Variants in ZPBP observed in about 807,000 individuals in gnomAD.
ZPBP encodes the protein zona pellucida-binding protein 1.
Under a neutral mutation model 44.8 loss-of-function variants are expected in ZPBP, and 26 were observed. The ratio of observed to expected loss-of-function variants is 0.58; its 90% CI spans 0.43 to 0.81. The LOEUF is 0.81. ZPBP is among the 30% of genes least tolerant of loss of function. The pLI is 0.00. For missense variants in ZPBP, 409 were observed against 434.0 expected, an observed-to-expected ratio of 0.94 and a Z score of 0.51; for synonymous variants, 174 against 153.2, an observed-to-expected ratio of 1.14 and a Z score of -1.00.
intron 4 of ZPBP, among the ~76,000 whole-genome samples, chr7:50,053,347 T>G (rs922152271): frequency 6.6e-6 from 1 of 152,212 alleles, no homozygotes; most frequent in Non-Finnish European, 1.5e-5. Flanking sequence ...CCTTAAATTA[T>G]TGAAAACTTA....
chr7:49,948,689 C>T (rs140631419), intron 7 of ZPBP, among the ~76,000 whole-genome samples: 48 of 151,952 alleles, frequency 3.2e-4, no homozygotes, highest in Middle Eastern at 3.4e-3. Flanking sequence ...CACAATGAGA[C>T]GACAAGTATC....
At chr7:50,026,621 A>G (rs572056582) in intron 5 of ZPBP, among the ~76,000 whole-genome samples, 1 of 152,114 alleles carries the variant, frequency 6.6e-6, no homozygotes, top group Non-Finnish European at 1.5e-5. Context: ...ATCAACTAAG[A>G]TGGACCCCAA....
In ZPBP at chr7:50,038,969, C is replaced by T. The variant is rs536252668; in HGVS notation, c.488-7659G>A. Among the ~76,000 whole-genome samples the T allele has an allele frequency of 3.3e-5, 5 of 152,276 alleles. No homozygotes were observed. The East Asian group carries it at 9.6e-4, about 29-fold the overall frequency. ...AATAAAATTGTCTAATGACACATTT[C>T]TCAGAATATATCCCCATCATTAAGA... On this transcript the variant is annotated intron_variant, in intron 4 of 7. Transcript: ENST00000046087.
intron 6 of ZPBP, among the ~76,000 whole-genome samples, chr7:49,994,911 CAAA>C (rs759113974): frequency 2.3e-3 from 351 of 152,250 alleles, no homozygotes; most frequent in Non-Finnish European, 2.5e-3. Flanking sequence ...GTAACACACC[CAAA>C]TGAGGAATAT....
chr7:49,939,219 C>T (rs922472150), intron 7 of ZPBP, among the ~76,000 whole-genome samples: 1 of 152,118 alleles, frequency 6.6e-6, no homozygotes, highest in Admixed American at 6.6e-5. Context: ...AGTGTTAAAT[C>T]ATTACACATG....
chr7:50,046,888 A>C (rs1017040683), intron 4 of ZPBP, among the ~76,000 whole-genome samples: 5 of 152,202 alleles, frequency 3.3e-5, no homozygotes, highest in East Asian at 1.9e-4. Context: ...AAGACTTAGA[A>C]CCAACCCAAA....
intron 2 of ZPBP, among the ~76,000 whole-genome samples, chr7:49,856,771 A>G (rs564847825): frequency 4.2e-4 from 64 of 152,180 alleles, no homozygotes; most frequent in African/African-American, 1.5e-3. Context: ...CATGATTGGG[A>G]GGCCGAGGTG....
At chr7:49,910,873 C>A (rs1465752068) in intron 1 of ZPBP, among the ~76,000 whole-genome samples, 2 of 152,168 alleles carry the variant, frequency 1.3e-5, no homozygotes, top group Non-Finnish European at 2.9e-5. Flanking sequence ...AAAGCAAATT[C>A]TCAGGCCCCA....
intron 6 of ZPBP, among the ~76,000 whole-genome samples, chr7:49,998,152 G>A (rs534653626): frequency 6.6e-6 from 1 of 152,256 alleles, no homozygotes; most frequent in Admixed American, 6.5e-5. Context: ...TCCTGACTTC[G>A]TGATCCACCC....
downstream of ZPBP, among the ~76,000 whole-genome samples, chr7:49,845,919 A>G: frequency 6.6e-6 from 1 of 152,172 alleles, no homozygotes; most frequent in East Asian, 1.9e-4. Context: ...TCATCACTGG[A>G]GAGTTTTCAC....
chr7:49,872,195 C>T (rs1791187652), intron 2 of ZPBP, among the ~76,000 whole-genome samples: 2 of 151,980 alleles, frequency 1.3e-5, no homozygotes, highest in South Asian at 4.2e-4. Context: ...TGATTGGTCA[C>T]ATTTAAGGAG....
chr7:49,891,006 C>CA (rs1223363927), intron 2 of ZPBP, among the ~76,000 whole-genome samples: 1 of 152,010 alleles, frequency 6.6e-6, no homozygotes, highest in East Asian at 1.9e-4. Context: ...CTACTAAGGC[C>CA]ATAGATTTAA....
chr7:50,091,420 T>C (rs1258480561), intron 1 of ZPBP, among the ~76,000 whole-genome samples: 1 of 152,102 alleles, frequency 6.6e-6, no homozygotes, highest in Non-Finnish European at 1.5e-5. Context: ...GGTGCTGGGA[T>C]AATTGGAAAG....
At chr7:49,966,667 T>C (rs539545558) in intron 7 of ZPBP, among the ~76,000 whole-genome samples, 23 of 152,326 alleles carry the variant, frequency 1.5e-4, no homozygotes, top group African/African-American at 5.1e-4. Context: ...ACATGTTGAA[T>C]GTTGTGAGGT....
At chr7:49,935,429 C>T (rs1794587175), downstream of ZPBP, among the ~76,000 whole-genome samples, 1 of 151,984 alleles carries the variant, frequency 6.6e-6, no homozygotes, top group African/African-American at 2.4e-5. Flanking sequence ...GACGGAGTTT[C>T]ACTCTTGTTG....
At chr7:50,043,778 G>T (rs1419610767) in intron 4 of ZPBP, among the ~76,000 whole-genome samples, 1 of 152,094 alleles carries the variant, frequency 6.6e-6, no homozygotes, top group Non-Finnish European at 1.5e-5. Flanking sequence ...AATTAGCAAG[G>T]ATATTCAGGA....
intron 1 of ZPBP, chr7:49,916,600 T>C (rs534674016): frequency 1.5e-4 from 23 of 152,364 alleles, no homozygotes; most frequent in Middle Eastern, 3.4e-3. Flanking sequence ...CAAATCCCTT[T>C]AGTTTGGGCT....
chr7:50,057,750 AAAT>A (rs572230254), intron 4 of ZPBP, among the ~76,000 whole-genome samples: 2 of 152,190 alleles, frequency 1.3e-5, no homozygotes, highest in Non-Finnish European at 2.9e-5. Context: ...CCTGGCCCTA[AAAT>A]TTATCTGTGT....
At chr7:49,842,133 G>A in the ZPBP span, among the ~76,000 whole-genome samples, 1 of 152,242 alleles carries the variant, frequency 6.6e-6, no homozygotes, top group Middle Eastern at 3.4e-3. Flanking sequence ...CTCCCAAAAT[G>A]CTGGGATTAG....
Sources: allele counts gnomAD v4.1 joint callset (sites outside exome capture counted in the v4.1 genomes callset), GRCh38; gene constraint gnomAD v4.1.1; transcripts MANE v1.5; gene names NCBI Gene and HGNC (gene_info 2026-07-23, HGNC 2026-07-21).